GSE1: variants seen among roughly 807,000 people sequenced by gnomAD.
GSE1 encodes the protein Gse1 coiled-coil protein, also known as genetic suppressor element 1.
GSE1 carries 32 observed loss-of-function variants against 112.6 expected under a neutral mutation model. That is an observed-to-expected ratio of 0.28 (90% CI 0.21 to 0.38). The LOEUF is 0.38. GSE1 is among the 10% of genes least tolerant of loss of function. GSE1 has a pLI of 1.00. For missense variants in GSE1, 2,348 were observed against 1,699.2 expected (o/e 1.38, Z -6.71); for synonymous variants, 1,115 against 735.6 (o/e 1.52, Z -8.35).
intron 2 of GSE1, among the ~76,000 whole-genome samples, chr16:85,391,953 C>A (rs998563255): frequency 6.6e-6 from 1 of 152,098 alleles, no homozygotes; most frequent in Non-Finnish European, 1.5e-5. Flanking sequence ...AGGAGTCACT[C>A]CAGCCCAAGA....
At chr16:85,480,376 AG>A (rs2050633637) in intron 2 of GSE1, among the ~76,000 whole-genome samples, 1 of 152,178 alleles carries the variant, frequency 6.6e-6, no homozygotes, top group South Asian at 2.1e-4. Context: ...GCCTTGCGGC[AG>A]GGGGCGCGCG....
chr16:85,566,667 G>A (rs974244002), intron 1 of GSE1, among the ~76,000 whole-genome samples: 2 of 152,156 alleles, frequency 1.3e-5, no homozygotes, highest in Non-Finnish European at 2.9e-5. Context: ...CCTTTGAACC[G>A]GCCCCAACCC....
At chr16:85,479,188 A>ATTTTT (rs59825091) in intron 2 of GSE1, among the ~76,000 whole-genome samples, 4,146 of 82,328 alleles carry the variant, frequency 0.05, 442 homozygotes, top group East Asian at 0.12. Flanking sequence ...TGCCCGGCTA[A>ATTTTT]TTTTTTTTTT....
At chr16:85,582,284 G>A (rs541219952) in intron 1 of GSE1, 4 of 152,370 alleles carry the variant, frequency 2.6e-5, no homozygotes, top group Admixed American at 6.5e-5. Flanking sequence ...AGAAGGGAGC[G>A]TGCCAGTATT....
chr16:85,453,588 G>A (rs1365345960), intron 2 of GSE1, among the ~76,000 whole-genome samples: 1 of 152,104 alleles, frequency 6.6e-6, no homozygotes, highest in African/African-American at 2.4e-5. Context: ...AGCCCCAGCT[G>A]TTGAGGGCAG....
intron 2 of GSE1, among the ~76,000 whole-genome samples, chr16:85,470,907 A>G (rs1287396689): frequency 1.3e-5 from 2 of 152,254 alleles, no homozygotes; most frequent in South Asian, 2.1e-4. Flanking sequence ...CAAAGATAAA[A>G]TAAAACCCAG....
At chr16:85,642,680 GA>G (rs780919974) in intron 2 of GSE1, among the ~76,000 whole-genome samples, 3 of 152,262 alleles carry the variant, frequency 2.0e-5, no homozygotes, top group Admixed American at 1.3e-4. Context: ...CCTCTTTAGG[GA>G]AGCACGTCCG....
intron 2 of GSE1, among the ~76,000 whole-genome samples, chr16:85,449,140 C>T (rs1019067757): frequency 3.3e-5 from 5 of 152,276 alleles, no homozygotes; most frequent in East Asian, 1.9e-4. Flanking sequence ...GCCGGGGTGC[C>T]CTGGGAGAAC....
At chr16:85,255,522 C>T (rs1451416429) in intron 1 of GSE1, among the ~76,000 whole-genome samples, 2 of 151,890 alleles carry the variant, frequency 1.3e-5, no homozygotes, top group Non-Finnish European at 2.9e-5. Context: ...AGTGATTCTC[C>T]TGCCTCAGCC....
At chr16:85,177,221 C>T (rs2074485611) in intron 1 of GSE1, among the ~76,000 whole-genome samples, 1 of 152,266 alleles carries the variant, frequency 6.6e-6, no homozygotes, top group African/African-American at 2.4e-5. Flanking sequence ...GGCAAAGCTT[C>T]CTGGTTCCTC....
At chr16:85,293,218 T>C (rs1017340834) in intron 1 of GSE1, among the ~76,000 whole-genome samples, 8 of 152,138 alleles carry the variant, frequency 5.3e-5, no homozygotes, top group African/African-American at 1.9e-4. Flanking sequence ...TAGTGTCCCG[T>C]GTCCTGTTAG....
intron 1 of GSE1, among the ~76,000 whole-genome samples, chr16:85,217,456 G>A (rs898815096): frequency 2.6e-5 from 4 of 152,226 alleles, no homozygotes; most frequent in Non-Finnish European, 5.9e-5. Context: ...GAAGGTGGGA[G>A]CTGGAAGGTC....
At chr16:85,359,623 C>A (rs1462731046) in intron 2 of GSE1, among the ~76,000 whole-genome samples, 2 of 152,240 alleles carry the variant, frequency 1.3e-5, no homozygotes, top group Non-Finnish European at 2.9e-5. Context: ...ACCAAGTCTG[C>A]CTTTTTCCCA....
chr16:85,569,160 C>T (rs758171686), intron 1 of GSE1, among the ~76,000 whole-genome samples: 48 of 152,216 alleles, frequency 3.2e-4, no homozygotes, highest in Admixed American at 1.2e-3. Flanking sequence ...CTGCCTAACA[C>T]TCTAGCCTGC....
At chr16:85,489,588 A>G (rs933430805) in intron 2 of GSE1, among the ~76,000 whole-genome samples, 2 of 77,782 alleles carry the variant, frequency 2.6e-5, no homozygotes, top group Admixed American at 1.7e-4. Flanking sequence ...CACCCACCCC[A>G]CAAGCCGTGC....
At chr16:85,649,056 G>C (rs1430557738) in intron 3 of GSE1, among the ~76,000 whole-genome samples, 3 of 152,134 alleles carry the variant, frequency 2.0e-5, no homozygotes, top group African/African-American at 4.8e-5. Context: ...GGCAGGGCTG[G>C]TTTCCCCAGA....
intron 2 of GSE1, among the ~76,000 whole-genome samples, chr16:85,404,022 G>T (rs1314353181): frequency 3.0e-4 from 4 of 13,468 alleles, no homozygotes; most frequent in Non-Finnish European, 5.5e-4. Flanking sequence ...CCGTCCTTAC[G>T]GGGCCTTTCC....
At chr16:85,547,798 G>C (rs920691862) in intron 2 of GSE1, among the ~76,000 whole-genome samples, 3 of 148,858 alleles carry the variant, frequency 2.0e-5, no homozygotes, top group Non-Finnish European at 3.0e-5. Context: ...AGATTCACTT[G>C]AACCCTGGAG....
chr16:85,670,903 G>A (rs1257885592), intron 14 of GSE1, 92 bp from the exon 15 acceptor site: 4 of 777,962 alleles, frequency 5.1e-6, no homozygotes, highest in South Asian at 1.5e-5. Flanking sequence ...GAGGTTTTGG[G>A]CTCTGCTGGG....
Sources: allele counts gnomAD v4.1 joint callset (sites outside exome capture counted in the v4.1 genomes callset), GRCh38; gene constraint gnomAD v4.1.1; transcripts MANE v1.5; gene names NCBI Gene and HGNC (gene_info 2026-07-23, HGNC 2026-07-21).